WDR75: variants seen among roughly 807,000 people sequenced by gnomAD.
The protein encoded by WDR75 is WD repeat-containing protein 75.
WDR75 carries 52 observed loss-of-function variants against 106.1 expected under a neutral mutation model. That is an observed-to-expected ratio of 0.49 (90% CI 0.39 to 0.62). WDR75 has a LOEUF of 0.62. WDR75 is among the 20% of genes least tolerant of loss of function. The probability of loss-of-function intolerance (pLI) is 0.00; values close to 1 mark genes in which losing one functional copy is unlikely to be tolerated. For synonymous variants in WDR75, 333 were observed against 335.5 expected (o/e 0.99, Z 0.08); for missense variants, 905 against 970.3 (o/e 0.93, Z 0.89).
intron 14 of WDR75, 89 bp from the exon 15 acceptor site, chr2:189,468,386 A>T: frequency 1.7e-6 from 2 of 1,192,858 alleles, no homozygotes; most frequent in Non-Finnish European, 2.5e-6. Context: ...AATCTGCATT[A>T]CATAGAACAG....
chr2:189,449,426 G>A lies in WDR75; in HGVS notation c.216+918G>A, dbSNP rs1686569881. On this transcript the variant is annotated intron_variant, in intron 2 of 20. Coordinates refer to ENST00000314761, the MANE Select transcript of WDR75 (RefSeq NM_032168.3). ...ACATATTTTATGCTTGCCGTCCTCT[G>A]AGGGTTTGACAAAAGTTTATCGCTG... The A allele has an allele frequency of 4.1e-6, 5 of 1,226,574 alleles. No individual in the cohort carries two copies. In the Admixed American group the frequency reaches 8.8e-5, roughly 22 times the overall value. The allele number at this position is 1,226,574 out of a possible 1,614,324, so 76.0% of individuals were successfully genotyped here.
At chr2:189,455,593 C>A in intron 5 of WDR75, 149 bp downstream of exon 5, 1 of 1,037,552 alleles carries the variant, frequency 9.6e-7, no homozygotes, top group Non-Finnish European at 1.4e-6. Context: ...ATTGCTTTAG[C>A]ATGTATTTAT....
rs1687132825 is a variant in WDR75, at chr2:189,472,286, A to G, written c.2049+1408A>G. 2.0e-5 allele frequency among the ~76,000 whole-genome samples: 3 copies of G among 152,186 alleles called. No homozygotes were observed. The South Asian group carries it at 6.2e-4, about 32-fold the overall frequency. Reference sequence around the variant, plus strand: ...ATGGCATGCATGGGATGCAGCTTGTAATTTTAAACAGGGAAGTCTACGTAG... The same window carrying G: ...ATGGCATGCATGGGATGCAGCTTGTGATTTTAAACAGGGAAGTCTACGTAG... On this transcript the variant is annotated intron_variant, in intron 18 of 20. Coordinates refer to ENST00000314761, the MANE Select transcript of WDR75 (RefSeq NM_032168.3).
chr2:189,460,700 T>A (rs1686861698), intron 8 of WDR75, among the ~76,000 whole-genome samples: 1 of 152,062 alleles, frequency 6.6e-6, no homozygotes, highest in African/African-American at 2.4e-5. Context: ...GAGATGGGGT[T>A]TCACCGTGTT....
chr2:189,451,367 C>T (rs1354844699), intron 3 of WDR75, among the ~76,000 whole-genome samples: 1 of 152,032 alleles, frequency 6.6e-6, no homozygotes, highest in Non-Finnish European at 1.5e-5. Context: ...CAATATTTCC[C>T]CTCATAAATT....
chr2:189,471,901 G>A (rs1687126415), intron 18 of WDR75, among the ~76,000 whole-genome samples: 1 of 152,164 alleles, frequency 6.6e-6, no homozygotes, highest in Non-Finnish European at 1.5e-5. Context: ...TTATTATAGA[G>A]TTGTAGGTTG....
At chr2:189,442,966 T>C (rs10206086) in intron 1 of WDR75, among the ~76,000 whole-genome samples, 9,897 of 152,276 alleles carry the variant, frequency 0.065, 498 homozygotes, top group African/African-American at 0.14. Context: ...AGTACTGTTC[T>C]TATACCTTAT....
intron 2 of WDR75, 125 bp downstream of exon 2, chr2:189,448,633 G>A (rs1686550134): frequency 2.3e-6 from 3 of 1,307,590 alleles, no homozygotes; most frequent in East Asian, 2.4e-5. Flanking sequence ...TTCAGTTGTA[G>A]GGTATTTTCC....
In WDR75 at chr2:189,470,262, A is replaced by G. The variant is rs1413615271; in HGVS notation, c.1989+17A>G. ...AAATCACAGGTAACTGCCTCCCTCAAAAAAGGCGATCACTTTGTACATGGA... is the reference window on the plus strand; with the variant it reads ...AAATCACAGGTAACTGCCTCCCTCAGAAAAGGCGATCACTTTGTACATGGA... On this transcript the variant is annotated intron_variant, in intron 17 of 20. Transcript: ENST00000314761. 1 of 1,606,448 alleles carries G rather than the reference A, an allele frequency of 6.2e-7. No individual in the cohort carries two copies. Among genetic ancestry groups the G allele is most frequent in the Non-Finnish European group, 8.5e-7 (1 of 1,176,272 alleles).
chr2:189,450,689 T>A, intron 2 of WDR75: 1 of 1,358,360 alleles, frequency 7.4e-7, no homozygotes, highest in Non-Finnish European at 9.4e-7. Context: ...TCCTCTCTCT[T>A]TTAGTTAAAA....
intron 7 of WDR75, among the ~76,000 whole-genome samples, 170 bp downstream of exon 7, chr2:189,459,042 G>A (rs1196477151): frequency 6.6e-6 from 1 of 152,160 alleles, no homozygotes; most frequent in African/African-American, 2.4e-5. Flanking sequence ...TATAAAGTGA[G>A]TGAAACATTT....
At chr2:189,470,381 T>C (rs1029836541) in intron 17 of WDR75, 136 bp downstream of exon 17, 31 of 911,706 alleles carry the variant, frequency 3.4e-5, no homozygotes, top group South Asian at 2.0e-4. Flanking sequence ...TTGTCTAATA[T>C]GCTCAGTACA....
chr2:189,444,157 G>C lies in WDR75; in HGVS notation c.86+2579G>C, dbSNP rs557526070. Among the ~76,000 whole-genome samples the C allele has an allele frequency of 3.9e-5, 6 of 152,200 alleles. No individual in the cohort carries two copies. In the East Asian group the frequency reaches 9.7e-4, roughly 24 times the overall value. On this transcript the variant is annotated intron_variant, in intron 1 of 20. Transcript: ENST00000314761. ...AAAACCATTTATCTAACAAATGACAGGATTTTAATGAACTCAGCAAAGATT... is the reference window on the plus strand; with the variant it reads ...AAAACCATTTATCTAACAAATGACACGATTTTAATGAACTCAGCAAAGATT...
intron 1 of WDR75, among the ~76,000 whole-genome samples, chr2:189,441,806 G>A (rs543057083): frequency 1.2e-3 from 186 of 152,306 alleles, no homozygotes; most frequent in African/African-American, 4.1e-3. Context: ...GGTAGATAAA[G>A]GCCCTGGAGC....
At chr2:189,446,383 A>C in intron 1 of WDR75, among the ~76,000 whole-genome samples, 1 of 152,182 alleles carries the variant, frequency 6.6e-6, no homozygotes, top group Non-Finnish European at 1.5e-5. Context: ...TGGAGATGTT[A>C]AGCTTCTGAA....
At chr2:189,445,778 T>A (rs1686486810) in intron 1 of WDR75, among the ~76,000 whole-genome samples, 1 of 152,198 alleles carries the variant, frequency 6.6e-6, no homozygotes, top group African/African-American at 2.4e-5. Flanking sequence ...AATTCTTCTG[T>A]AAATCTAAAA....
intron 18 of WDR75, 83 bp downstream of exon 18, chr2:189,470,961 T>A: frequency 9.4e-7 from 1 of 1,069,474 alleles, no homozygotes; most frequent in Non-Finnish European, 1.3e-6. Context: ...ATGAAAAAAA[T>A]ATTTCACTTG....
intron 5 of WDR75, among the ~76,000 whole-genome samples, chr2:189,456,039 C>T (rs187884542): frequency 2.6e-4 from 40 of 152,240 alleles, no homozygotes; most frequent in Non-Finnish European, 5.0e-4. Context: ...TATGAAAAGC[C>T]TCCGGACATC....
intron 11 of WDR75, 70 bp downstream of exon 11, chr2:189,464,031 G>T: frequency 7.8e-7 from 1 of 1,278,004 alleles, no homozygotes. Flanking sequence ...CAAGCAATTT[G>T]TTTAGTAGCT....
Sources: allele counts gnomAD v4.1 joint callset (sites outside exome capture counted in the v4.1 genomes callset), GRCh38; gene constraint gnomAD v4.1.1; transcripts MANE v1.5; gene names NCBI Gene and HGNC (gene_info 2026-07-23, HGNC 2026-07-21).